HDAC9: variants seen among roughly 807,000 people sequenced by gnomAD.
HDAC9 encodes MEF-2 interacting transcription repressor (MITR) protein.
HDAC9 carries 41 observed loss-of-function variants against 139.4 expected under a neutral mutation model. That is an observed-to-expected ratio of 0.29 (90% CI 0.23 to 0.38). The LOEUF (loss-of-function observed/expected upper bound fraction) is 0.38. HDAC9 is among the 10% of genes least tolerant of loss of function. The pLI is 1.00. For synonymous variants in HDAC9, 517 were observed against 476.2 expected, an observed-to-expected ratio of 1.09 and a Z score of -1.12; for missense variants, 1,147 against 1,297.0, an observed-to-expected ratio of 0.88 and a Z score of 1.78.
At chr7:18,910,725 TC>T (rs1802666862) in intron 22 of HDAC9, among the ~76,000 whole-genome samples, 3 of 152,018 alleles carry the variant, frequency 2.0e-5, no homozygotes, top group South Asian at 4.1e-4. Context: ...ATGGCTTTCA[TC>T]TTTTATTCTG....
intron 2 of HDAC9, among the ~76,000 whole-genome samples, chr7:18,268,337 C>G (rs1796126266): frequency 6.6e-6 from 1 of 152,028 alleles, no homozygotes. Context: ...TATCTTATTT[C>G]TCATATACCT....
intron 2 of HDAC9, among the ~76,000 whole-genome samples, chr7:18,558,588 A>G (rs77417194): frequency 0.019 from 2,873 of 152,262 alleles, 100 homozygotes; most frequent in African/African-American, 0.065. Context: ...CTATTGTAAC[A>G]TTTGTATTGA....
At chr7:18,228,375 T>C (rs1793215025) in intron 2 of HDAC9, among the ~76,000 whole-genome samples, 1 of 152,130 alleles carries the variant, frequency 6.6e-6, no homozygotes, top group Admixed American at 6.6e-5. Context: ...ACATACTCTT[T>C]TGATTAAAAG....
rs200207868 is a variant in HDAC9, at chr7:18,441,763, T to TTTGTTG, written c.-41-54480_-41-54475dup. Among the ~76,000 whole-genome samples, 18 of 150,322 alleles carry TTTGTTG rather than the reference T, an allele frequency of 1.2e-4. No homozygotes were observed. In the East Asian group the frequency reaches 1.4e-3, roughly 11 times the overall value. ...TATATATACACACACACATATATGT[T>TTTGTTG]TTGTTGTTGTTGTTGTTGTTGTTGA... On this transcript the variant is annotated intron_variant, in intron 1 of 3. Coordinates refer to the HDAC9 transcript ENST00000413509.
At position 18,528,773 on chromosome 7, in the gene HDAC9, T is replaced by C. The variant is rs192108003; in HGVS notation, c.22+32449T>C. Among the ~76,000 whole-genome samples the C allele has an allele frequency of 3.9e-5, 6 of 152,322 alleles. No homozygotes were observed. In the East Asian group the frequency reaches 1.2e-3, roughly 29 times the overall value. ...TGAGCATGGGACTTATTATGGAATA[T>C]AGTTGACCATGTTTCAACATATGAA... On this transcript the variant is annotated intron_variant, in intron 2 of 25. Coordinates refer to ENST00000686413, the MANE Select transcript of HDAC9 (RefSeq NM_178425.4).
At chr7:18,198,847 T>G (rs1790904390) in intron 2 of HDAC9, among the ~76,000 whole-genome samples, 1 of 152,192 alleles carries the variant, frequency 6.6e-6, no homozygotes, top group Non-Finnish European at 1.5e-5. Context: ...GGCATTAGAC[T>G]ACTAGCACTA....
intron 1 of HDAC9, among the ~76,000 whole-genome samples, chr7:18,355,871 T>G (rs1422166512): frequency 6.6e-6 from 1 of 152,128 alleles, no homozygotes; most frequent in Non-Finnish European, 1.5e-5. Flanking sequence ...GGCCTATCTA[T>G]AGATAAACAA....
chr7:18,710,516 G>GTA (rs1190168566), intron 12 of HDAC9, among the ~76,000 whole-genome samples: 4 of 151,760 alleles, frequency 2.6e-5, no homozygotes, highest in Non-Finnish European at 5.9e-5. Context: ...ACATACATAC[G>GTA]TATATATATA....
intron 22 of HDAC9, among the ~76,000 whole-genome samples, chr7:18,893,285 A>T (rs1034344555): frequency 3.3e-5 from 5 of 152,160 alleles, no homozygotes; most frequent in Admixed American, 2.6e-4. Flanking sequence ...TGTGCTTTAC[A>T]CAAGGGGCAG....
Position 18,996,183 on chromosome 7 carries a change from A to C in HDAC9, c.*121A>C. 1.5e-6 allele frequency: 1 copy of C among 645,874 alleles called. No individual in the cohort carries two copies. Among genetic ancestry groups the C allele is most frequent in the African/African-American group, 1.8e-5 (1 of 54,628 alleles). The allele number at this position is 645,874 out of a possible 1,614,324, so 40.0% of individuals were successfully genotyped here. ...GGCACAGATTCAATGGAACATAAAC[A>C]CTGGGCACAAAATTCTGAACAGCAG... On this transcript the variant is annotated 3_prime_UTR_variant, in exon 26 of 26. Transcript: ENST00000686413.
At chr7:18,803,265 G>A (rs1793448081) in intron 17 of HDAC9, among the ~76,000 whole-genome samples, 1 of 151,736 alleles carries the variant, frequency 6.6e-6, no homozygotes, top group South Asian at 2.1e-4. Context: ...CTATTTTAAA[G>A]CAATAGTCAT....
chr7:18,711,761 C>T (rs970098633), intron 12 of HDAC9, among the ~76,000 whole-genome samples: 1 of 152,192 alleles, frequency 6.6e-6, no homozygotes, highest in Non-Finnish European at 1.5e-5. Flanking sequence ...CACAAAAGAA[C>T]AGCACTTGTG....
chr7:18,198,766 T>C (rs187035652), intron 2 of HDAC9, among the ~76,000 whole-genome samples: 15 of 152,298 alleles, frequency 9.8e-5, no homozygotes, highest in African/African-American at 2.4e-5. Context: ...AAAATGTGCA[T>C]GTATGTTGAT....
chr7:18,149,017 A>G (rs182454484), intron 1 of HDAC9, among the ~76,000 whole-genome samples: 1 of 152,158 alleles, frequency 6.6e-6, no homozygotes, highest in African/African-American at 2.4e-5. Context: ...TTAAATTGCT[A>G]TTTTAAATGG....
At chr7:18,190,859 A>G (rs1055496982) in intron 2 of HDAC9, among the ~76,000 whole-genome samples, 4 of 152,164 alleles carry the variant, frequency 2.6e-5, no homozygotes, top group African/African-American at 9.7e-5. Flanking sequence ...AATATTATGC[A>G]TGTTTTACCT....
At chr7:18,717,702 G>A (rs969815384) in intron 12 of HDAC9, among the ~76,000 whole-genome samples, 1 of 151,440 alleles carries the variant, frequency 6.6e-6, no homozygotes, top group South Asian at 2.1e-4. Context: ...AAGTGCTGGG[G>A]CAATTTCTTA....
intron 13 of HDAC9, among the ~76,000 whole-genome samples, chr7:18,742,445 C>T (rs909792828): frequency 9.9e-5 from 15 of 152,270 alleles, no homozygotes; most frequent in Non-Finnish European, 1.8e-4. Flanking sequence ...GTTTCTTTGA[C>T]ACAATGATTC....
At chr7:18,896,574 G>A (rs905791313) in intron 22 of HDAC9, among the ~76,000 whole-genome samples, 4 of 152,034 alleles carry the variant, frequency 2.6e-5, no homozygotes, top group African/African-American at 9.7e-5. Flanking sequence ...AAACTGCCCA[G>A]ACCCCATTAA....
chr7:18,216,419 T>C (rs946010388), intron 2 of HDAC9, among the ~76,000 whole-genome samples: 1 of 152,160 alleles, frequency 6.6e-6, no homozygotes. Flanking sequence ...TTACAGTTTC[T>C]TCCTAATGTT....
Sources: gnomAD v4.1 joint callset for allele counts (sites outside exome capture counted in the v4.1 genomes callset) on GRCh38, gnomAD v4.1.1 for gene constraint, MANE v1.5 for transcripts, NCBI Gene and HGNC (gene_info 2026-07-23, HGNC 2026-07-21) for gene names.